The following MEIS3 variants were observed in gnomAD, a reference collection of about 807,000 sequenced individuals.
MEIS3 encodes homeobox protein Meis3.
A neutral mutation model predicts 51.4 loss-of-function variants in MEIS3; 38 were observed. The ratio of observed to expected loss-of-function variants is 0.74; its 90% CI spans 0.57 to 0.97. The LOEUF (loss-of-function observed/expected upper bound fraction) is 0.97. MEIS3 is among the 50% of genes least tolerant of loss of function. The pLI, the probability that MEIS3 is intolerant of heterozygous loss-of-function variation, is 0.00. For missense variants in MEIS3, 456 were observed against 502.6 expected (o/e 0.91, Z 0.89); for synonymous variants, 198 against 201.8 (o/e 0.98, Z 0.16).
chr19:47,405,017 T>C (rs1047883330), intron 12 of MEIS3, among the ~76,000 whole-genome samples: 3 of 152,154 alleles, frequency 2.0e-5, no homozygotes, highest in African/African-American at 4.8e-5. Context: ...GAGCCACAAA[T>C]GGTTTAATCC....
At chr19:47,416,468 G>A (rs62130534) in intron 4 of MEIS3, 184 bp downstream of exon 4, 13,889 of 552,158 alleles carry the variant, frequency 0.025, 233 homozygotes, top group Non-Finnish European at 0.033. Flanking sequence ...ATTTGAACTC[G>A]GGCCATGGGT....
chr19:47,420,148 G>C (rs1028502206), upstream of MEIS3, among the ~76,000 whole-genome samples: 4 of 152,204 alleles, frequency 2.6e-5, no homozygotes, highest in Admixed American at 2.6e-4. Context: ...AGGGTCTGGA[G>C]GCCTTGCCTT....
chr19:47,406,860 G>T, intron 11 of MEIS3, 28 bp downstream of exon 11: 1 of 1,543,674 alleles, frequency 6.5e-7, no homozygotes. Flanking sequence ...GCGCAGGGGC[G>T]GGGCCTAGCT....
Position 47,417,313 on chromosome 19 carries a change from C to G in MEIS3, c.50G>C (p.Gly17Ala). The change falls in exon 2 of 13, where the codon GGC becomes GCC. Residue 17 changes from glycine to alanine, a missense_variant. Coordinates refer to ENST00000558555, the MANE Select transcript of MEIS3 (RefSeq NM_001301059.2). ...TGGGAAGCTAGCCAGGGCTGCGGGG[C>G]CATCCACGATGCCTGGGTAGTGCGG... ...ELPHYPGIVD[G>A]PAALASFPET... 6.2e-7 allele frequency: 1 copy of G among 1,613,710 alleles called. No homozygotes were observed. Among genetic ancestry groups the G allele is most frequent in the Non-Finnish European group, 8.5e-7 (1 of 1,179,876 alleles).
intron 6 of MEIS3, among the ~76,000 whole-genome samples, chr19:47,411,489 G>A (rs990336490): frequency 6.6e-6 from 1 of 152,016 alleles, no homozygotes; most frequent in South Asian, 2.1e-4. Context: ...AGAGATTCTG[G>A]GGTCTCAGAA....
intron 12 of MEIS3, among the ~76,000 whole-genome samples, chr19:47,404,088 C>T (rs1029460154): frequency 3.3e-5 from 5 of 152,100 alleles, no homozygotes; most frequent in African/African-American, 9.7e-5. Context: ...CCTGTAGTCT[C>T]AGCCACTTGG....
intron 7 of MEIS3, 30 bp downstream of exon 7, chr19:47,409,406 T>A: frequency 6.3e-7 from 1 of 1,595,116 alleles, no homozygotes; most frequent in Non-Finnish European, 8.6e-7. Context: ...TTGACTCCCA[T>A]GTTTCCCTTC....
intron 12 of MEIS3, among the ~76,000 whole-genome samples, chr19:47,403,956 C>T (rs868102314): frequency 2.6e-5 from 4 of 152,066 alleles, no homozygotes; most frequent in Non-Finnish European, 4.4e-5. Context: ...AACCCCAACA[C>T]TTTGGGAGGC....
Position 47,415,570 on chromosome 19 carries a change from TCTC to T in MEIS3, c.397-472_397-470del, listed in dbSNP as rs796621591. ...TCCTCCCTCCTTTCTTCTCTCTCTCTCTCTTTTTTTTTTTTTTTTTTGATATGG... is the reference window on the plus strand; with the variant it reads ...TCCTCCCTCCTTTCTTCTCTCTCTCTTTTTTTTTTTTTTTTTTTGATATGG... On this transcript the variant is annotated intron_variant, in intron 4 of 12. Transcript: ENST00000558555. 3.2e-3 allele frequency among the ~76,000 whole-genome samples: 410 copies of T among 128,044 alleles called. 2 individuals are homozygous for T. The highest frequency in any genetic ancestry group is 8.5e-3 in the Middle Eastern group (2 of 236). 84.0% of individuals were successfully genotyped at this position (128,044 alleles called of 152,430 possible). A position where few individuals can be genotyped will look rare whatever the true frequency, so the allele number is the denominator to read the frequency against.
chr19:47,419,974 G>A (rs1971646208), upstream of MEIS3, among the ~76,000 whole-genome samples: 1 of 152,104 alleles, frequency 6.6e-6, no homozygotes. Flanking sequence ...GATGGGCAGT[G>A]CGCTGGGGGC....
At chr19:47,414,566 G>A in intron 6 of MEIS3, 151 bp downstream of exon 6, 1 of 880,650 alleles carries the variant, frequency 1.1e-6, no homozygotes, top group South Asian at 1.7e-5. Context: ...TAGCTGTTGT[G>A]TAGTGGGTGT....
rs1568429098 is a variant in MEIS3, at chr19:47,416,854, CG to C, written c.294del (p.Asp98GlufsTer35). On this transcript the variant is annotated frameshift_variant, in exon 3 of 13. Coordinates refer to ENST00000558555, the MANE Select transcript of MEIS3 (RefSeq NM_001301059.2). LOFTEE classifies it high-confidence loss of function. ...GAGLGTPPGG[D>X]VCSSDSFNED... The stretch of plus-strand genomic sequence containing the variant: ...TCGTTGAAGGAATCAGAGGAGCAGA[CG>C]TCACCTCCAGGGGGTGTCCCCAGCC... The C allele has an allele frequency of 6.2e-7, 1 of 1,614,016 alleles. No homozygotes were observed. The highest frequency in any genetic ancestry group is 1.7e-5 in the Admixed American group (1 of 59,982).
Position 47,416,940 on chromosome 19 carries a change from G to A in MEIS3, c.209C>T (p.Ala70Val), listed in dbSNP as rs757180156. ...CAGTTCACATTTCTCAAAGACCAGG[G>A]CCAAGAGGGGGAAGAGCGGGTGTCT... ...IYGHPLFPLL[A>V]LVFEKCELAT... Residue 70 changes from alanine to valine, a missense_variant, in exon 3 of 13, where the codon GCC becomes GTC. Transcript: ENST00000558555. 2.5e-6 allele frequency: 4 copies of A among 1,598,954 alleles called. No individual in the cohort carries two copies.
intron 11 of MEIS3, 21 bp from the exon 12 acceptor site, chr19:47,406,547 A>G (rs768268776): frequency 6.2e-7 from 1 of 1,613,494 alleles, no homozygotes; most frequent in Admixed American, 1.7e-5. Context: ...AAAAAAAAGG[A>G]GGGTAAGTGC....
Position 47,406,874 on chromosome 19 carries a change from G to C in MEIS3, c.1078+14C>G. On this transcript the variant is annotated intron_variant, in intron 11 of 12. Coordinates refer to ENST00000558555, the MANE Select transcript of MEIS3 (RefSeq NM_001301059.2). ...TGCGCAGGGGCGGGGCCTAGCTAAGGGGGCGAGGCTTACCCGGAGGCCGGA... is the reference window on the plus strand; with the variant it reads ...TGCGCAGGGGCGGGGCCTAGCTAAGCGGGCGAGGCTTACCCGGAGGCCGGA... 2 of 1,560,756 alleles carry C rather than the reference G, an allele frequency of 1.3e-6. No individual in the cohort carries two copies. Among genetic ancestry groups the C allele is most frequent in the Non-Finnish European group, 1.7e-6 (2 of 1,155,908 alleles).
upstream of MEIS3, among the ~76,000 whole-genome samples, chr19:47,421,346 T>A (rs994697293): frequency 6.6e-6 from 1 of 152,136 alleles, no homozygotes; most frequent in Non-Finnish European, 1.5e-5. Context: ...GGCCCTTCAG[T>A]GCCCCAACCT....
upstream of MEIS3, among the ~76,000 whole-genome samples, chr19:47,420,910 T>TCACACACACACACACA (rs796578167): frequency 8.5e-5 from 6 of 70,786 alleles, no homozygotes; most frequent in Admixed American, 1.9e-4. Flanking sequence ...TCTCTCTCTC[T>TCACACACACACACACA]CACACACACA....
chr19:47,417,258 A>T lies in MEIS3; in HGVS notation c.105T>A (p.Tyr35Ter), dbSNP rs1416469839. ...GGGGCTGGGGAGGCCGGTGCGGGCC[A>T]TAGGGCCCTGGTACTGCGGGCACTG... is the stretch of plus-strand genomic sequence containing the variant. ...PETVPAVPGPYGPHRPPQPLP... is the reference protein window; with the variant it reads ...PETVPAVPGP The change falls in exon 2 of 13, where the codon TAT (tyrosine) becomes TAA (stop). Residue 35 changes from tyrosine (Y) to a stop codon, truncating the protein, a stop_gained. Coordinates refer to ENST00000558555, the MANE Select transcript of MEIS3 (RefSeq NM_001301059.2). LOFTEE classifies it high-confidence loss of function. 6.2e-7 allele frequency: 1 copy of T among 1,611,204 alleles called. No individual in the cohort carries two copies. The highest frequency in any genetic ancestry group is 1.3e-5 in the African/African-American group (1 of 74,962).
At chr19:47,411,215 C>T (rs577364485) in intron 6 of MEIS3, among the ~76,000 whole-genome samples, 13 of 152,242 alleles carry the variant, frequency 8.5e-5, no homozygotes, top group African/African-American at 2.9e-4. Flanking sequence ...GGATAACAGG[C>T]GTGAGCCACT....
Sources: gnomAD v4.1 joint callset for allele counts (sites outside exome capture counted in the v4.1 genomes callset) on GRCh38, gnomAD v4.1.1 for gene constraint, MANE v1.5 for transcripts, NCBI Gene and HGNC (gene_info 2026-07-23, HGNC 2026-07-21) for gene names.